CALN1: variants seen among roughly 807,000 people sequenced by gnomAD.
The protein encoded by CALN1 is calcium-binding protein 8.
Under a neutral mutation model 30.6 loss-of-function variants are expected in CALN1, and 17 were observed. That is an observed-to-expected ratio of 0.56 (90% CI 0.38 to 0.83). CALN1 has a LOEUF of 0.83. CALN1 is among the 40% of genes least tolerant of loss of function. The pLI is 0.00. For missense variants in CALN1, 291 were observed against 354.9 expected (o/e 0.82, Z 1.45); for synonymous variants, 156 against 131.4 (o/e 1.19, Z -1.28).
rs1006233869 is a variant in CALN1 at position 71,931,509 on chromosome 7, G to A, written c.501+92148C>T. ...CTTGAACTCCTGAGCTCAAGTGATC[G>A]GCCTACTTTGGCCTCCCAAAGTGCT... On this transcript the variant is annotated intron_variant, in intron 5 of 6. Transcript: ENST00000395275. 2.6e-4 allele frequency among the ~76,000 whole-genome samples: 40 copies of A among 152,152 alleles called. 1 individual carries two copies. Among genetic ancestry groups the A allele is most frequent in the South Asian group, 2.1e-4 (1 of 4,826 alleles).
intron 3 of CALN1, among the ~76,000 whole-genome samples, chr7:72,144,362 T>C (rs1212184468): frequency 6.6e-6 from 1 of 151,826 alleles, no homozygotes; most frequent in African/African-American, 2.4e-5. Context: ...CAACAAAGAT[T>C]AAAAGAGACA....
chr7:72,247,361 C>T (rs567128853), intron 3 of CALN1, among the ~76,000 whole-genome samples: 269 of 149,238 alleles, frequency 1.8e-3, no homozygotes, highest in Middle Eastern at 3.5e-3. Flanking sequence ...CATTCTCCTG[C>T]CTCACCCTCC....
At chr7:71,817,894 A>G (rs1788360853) in intron 5 of CALN1, among the ~76,000 whole-genome samples, 1 of 151,032 alleles carries the variant, frequency 6.6e-6, no homozygotes, top group African/African-American at 2.4e-5. Context: ...TTTTTGGACT[A>G]CTGGAGTCAA....
chr7:71,928,241 C>T (rs1403093705), intron 5 of CALN1, among the ~76,000 whole-genome samples: 3 of 152,196 alleles, frequency 2.0e-5, no homozygotes, highest in Admixed American at 6.5e-5. Flanking sequence ...GTCCACCCCA[C>T]GACTTCAGAA....
chr7:71,920,330 C>CTTTTTTT (rs71092931), intron 5 of CALN1, among the ~76,000 whole-genome samples: 4 of 98,736 alleles, frequency 4.1e-5, no homozygotes, highest in Non-Finnish European at 7.9e-5. Flanking sequence ...CAAATTAGTT[C>CTTTTTTT]TTTTTTTTTT....
At chr7:72,192,741 G>A (rs1460002589) in intron 3 of CALN1, among the ~76,000 whole-genome samples, 3 of 150,918 alleles carry the variant, frequency 2.0e-5, no homozygotes, top group Non-Finnish European at 3.0e-5. Flanking sequence ...CCATGCTGGT[G>A]CGCTGCACCC....
intron 5 of CALN1, among the ~76,000 whole-genome samples, chr7:71,897,626 C>T (rs1338991745): frequency 6.6e-6 from 1 of 151,906 alleles, no homozygotes; most frequent in Non-Finnish European, 1.5e-5. Context: ...TTGAGCATTT[C>T]CTTCTTCTTC....
chr7:71,792,053 G>A, intron 6 of CALN1, among the ~76,000 whole-genome samples: 1 of 152,150 alleles, frequency 6.6e-6, no homozygotes, highest in East Asian at 1.9e-4. Context: ...GGTTTCTCCA[G>A]AAAGCCAGGC....
intron 4 of CALN1, among the ~76,000 whole-genome samples, chr7:72,065,906 G>T (rs541307562): frequency 1.3e-5 from 2 of 151,842 alleles, no homozygotes; most frequent in East Asian, 3.9e-4. Flanking sequence ...AAAAAGAAAA[G>T]AAAAGAAAAA....
intron 3 of CALN1, among the ~76,000 whole-genome samples, chr7:72,177,323 C>G (rs1313727030): frequency 6.6e-6 from 1 of 152,150 alleles, no homozygotes; most frequent in Non-Finnish European, 1.5e-5. Context: ...AGAAATAAGA[C>G]ATCCCGGGCT....
intron 3 of CALN1, among the ~76,000 whole-genome samples, chr7:72,213,447 C>T (rs918439667): frequency 5.3e-5 from 8 of 152,004 alleles, no homozygotes; most frequent in East Asian, 1.9e-4. Flanking sequence ...GGAGTGAGAA[C>T]GGGAAATGAC....
At chr7:71,823,441 C>T (rs13244758) in intron 5 of CALN1, among the ~76,000 whole-genome samples, 4,984 of 152,292 alleles carry the variant, frequency 0.033, 118 homozygotes, top group Non-Finnish European at 0.056. Flanking sequence ...AGGCTTGGGC[C>T]GGGAGCGGTG....
At chr7:72,232,044 T>C (rs1441044123) in intron 3 of CALN1, among the ~76,000 whole-genome samples, 2 of 152,134 alleles carry the variant, frequency 1.3e-5, no homozygotes, top group African/African-American at 2.4e-5. Flanking sequence ...CATATGCAAC[T>C]TGGAGATCCC....
At chr7:72,465,331 T>C in the CALN1 span, among the ~76,000 whole-genome samples, 1 of 152,188 alleles carries the variant, frequency 6.6e-6, no homozygotes, top group Admixed American at 6.6e-5. Context: ...TCCAGTGCTC[T>C]GTCTGCTCCC....
intron 2 of CALN1, among the ~76,000 whole-genome samples, chr7:72,363,257 G>C (rs1803671590): frequency 6.6e-6 from 1 of 151,632 alleles, no homozygotes; most frequent in Non-Finnish European, 1.5e-5. Context: ...TTTTATTTTT[G>C]AGACGAAGTC....
intron 2 of CALN1, among the ~76,000 whole-genome samples, chr7:72,350,310 A>G (rs1802856125): frequency 6.6e-6 from 1 of 152,218 alleles, no homozygotes; most frequent in African/African-American, 2.4e-5. Flanking sequence ...GAATCGTTCT[A>G]CCATAAAGTC....
At chr7:72,098,141 G>A (rs1291759351) in intron 4 of CALN1, among the ~76,000 whole-genome samples, 1 of 152,166 alleles carries the variant, frequency 6.6e-6, no homozygotes, top group African/African-American at 2.4e-5. Context: ...AAGGAGCCTG[G>A]TGGAAAAGAG....
At chr7:72,443,963 C>A (rs2129564513) in intron 1 of CALN1, among the ~76,000 whole-genome samples, 1 of 142,258 alleles carries the variant, frequency 7.0e-6, no homozygotes, top group African/African-American at 2.6e-5. Context: ...AGAGATCATG[C>A]CACTGCACTC....
chr7:72,033,324 C>T (rs916317421), intron 4 of CALN1, among the ~76,000 whole-genome samples: 1 of 152,112 alleles, frequency 6.6e-6, no homozygotes, highest in Non-Finnish European at 1.5e-5. Flanking sequence ...GAGGAATATA[C>T]AGGAAAAGTG....
Sources: allele counts gnomAD v4.1 joint callset (sites outside exome capture counted in the v4.1 genomes callset), GRCh38; gene constraint gnomAD v4.1.1; transcripts MANE v1.5; gene names NCBI Gene and HGNC (gene_info 2026-07-23, HGNC 2026-07-21).